Variants in TBC1D32 observed in about 807,000 individuals in gnomAD.
TBC1D32 encodes protein broad-minded.
Under a neutral mutation model 170.3 loss-of-function variants are expected in TBC1D32, and 151 were observed. That is an observed-to-expected ratio of 0.89 (90% CI 0.78 to 1.01). The LOEUF is 1.01. Ranked by LOEUF, TBC1D32 falls within the 50% of genes least tolerant of loss-of-function variation. TBC1D32 has a pLI of 0.00. For synonymous variants in TBC1D32, 498 were observed against 488.0 expected, an observed-to-expected ratio of 1.02 and a Z score of -0.27; for missense variants, 1,464 against 1,457.1, an observed-to-expected ratio of 1.00 and a Z score of -0.08.
At chr6:121,191,547 T>C (rs1271081983) in intron 22 of TBC1D32, among the ~76,000 whole-genome samples, 1 of 147,072 alleles carries the variant, frequency 6.8e-6, no homozygotes, top group Non-Finnish European at 1.5e-5. Flanking sequence ...CTGCAAAGAA[T>C]GAGCGGAGAC....
At chr6:121,198,343 A>T (rs1475046505) in intron 22 of TBC1D32, among the ~76,000 whole-genome samples, 1 of 148,234 alleles carries the variant, frequency 6.7e-6, no homozygotes, top group Non-Finnish European at 1.5e-5. Flanking sequence ...TGACTAATAC[A>T]GGGCATATTG....
intron 1 of TBC1D32, among the ~76,000 whole-genome samples, chr6:121,325,928 G>GA (rs1174500761): frequency 2.0e-5 from 3 of 150,274 alleles, no homozygotes; most frequent in Admixed American, 6.7e-5. Context: ...AAATTTACAA[G>GA]AAAAAAACAA....
chr6:121,207,035 T>G (rs185223045), intron 21 of TBC1D32, among the ~76,000 whole-genome samples: 1 of 152,290 alleles, frequency 6.6e-6, no homozygotes, highest in Admixed American at 6.5e-5. Flanking sequence ...GTGATGAAAC[T>G]TGTTTACTAT....
intron 24 of TBC1D32, among the ~76,000 whole-genome samples, chr6:121,159,452 C>T (rs1785328694): frequency 6.6e-6 from 1 of 152,098 alleles, no homozygotes; most frequent in Non-Finnish European, 1.5e-5. Flanking sequence ...AGATCAGCTA[C>T]AGCTTAGCAA....
At chr6:121,119,169 C>T (rs1273715) in intron 26 of TBC1D32, among the ~76,000 whole-genome samples, 25,654 of 152,126 alleles carry the variant, frequency 0.17, 2,794 homozygotes, top group African/African-American at 0.28. Flanking sequence ...TTACCAAATT[C>T]AAATAGCATA....
At chr6:121,276,128 A>T (rs1310574725) in intron 15 of TBC1D32, among the ~76,000 whole-genome samples, 1 of 151,768 alleles carries the variant, frequency 6.6e-6, no homozygotes, top group Non-Finnish European at 1.5e-5. Flanking sequence ...TCAAAAAAAA[A>T]AAAAAAACAA....
At chr6:121,162,764 G>C (rs563360711) in intron 22 of TBC1D32, among the ~76,000 whole-genome samples, 5 of 147,226 alleles carry the variant, frequency 3.4e-5, no homozygotes, top group African/African-American at 5.0e-5. Context: ...AGCTCCCAGC[G>C]TGAGCGACGC....
At chr6:121,203,085 A>G (rs6926502) in intron 22 of TBC1D32, among the ~76,000 whole-genome samples, 97,255 of 150,994 alleles carry the variant, frequency 0.64, 37,134 homozygotes, top group Non-Finnish European at 0.84. Context: ...CAAACAAAAA[A>G]TACTATGGGA....
intron 15 of TBC1D32, among the ~76,000 whole-genome samples, chr6:121,258,987 A>AG (rs1554290992): frequency 6.6e-6 from 1 of 151,852 alleles, no homozygotes; most frequent in Admixed American, 6.6e-5. Context: ...ATTAAAAAAA[A>AG]AAAGAAAGAA....
At chr6:121,305,695 A>T (rs1472034615) in intron 5 of TBC1D32, among the ~76,000 whole-genome samples, 1 of 152,032 alleles carries the variant, frequency 6.6e-6, no homozygotes, top group South Asian at 2.1e-4. Context: ...AGTTGCAGCA[A>T]CTGATAGGTA....
At chr6:121,187,548 T>C (rs1259702446) in intron 22 of TBC1D32, among the ~76,000 whole-genome samples, 2 of 152,082 alleles carry the variant, frequency 1.3e-5, no homozygotes, top group Non-Finnish European at 2.9e-5. Flanking sequence ...CCTGAAATTA[T>C]ATTGTGGAAG....
chr6:121,136,635 A>G (rs919187380), intron 24 of TBC1D32, among the ~76,000 whole-genome samples: 7 of 152,174 alleles, frequency 4.6e-5, no homozygotes, highest in Non-Finnish European at 7.4e-5. Flanking sequence ...TAATGGTAGT[A>G]TGCAAGTGGG....
chr6:121,108,669 AC>A (rs769639850), intron 29 of TBC1D32, among the ~76,000 whole-genome samples: 28 of 152,214 alleles, frequency 1.8e-4, no homozygotes, highest in East Asian at 1.5e-3. Context: ...TTAAAAAAAA[AC>A]ATAACAGTCT....
intron 31 of TBC1D32, among the ~76,000 whole-genome samples, chr6:121,085,644 A>G (rs1271534883): frequency 3.9e-5 from 6 of 152,112 alleles, no homozygotes; most frequent in South Asian, 2.1e-4. Flanking sequence ...GCTTCTGCCA[A>G]ATAAATTCTG....
At chr6:121,125,491 G>T (rs370385335) in intron 26 of TBC1D32, among the ~76,000 whole-genome samples, 4 of 152,040 alleles carry the variant, frequency 2.6e-5, no homozygotes, top group Non-Finnish European at 4.4e-5. Flanking sequence ...AGGCTATCTC[G>T]TTGGCTCAGA....
chr6:121,142,153 C>A (rs1485571760), intron 24 of TBC1D32, among the ~76,000 whole-genome samples: 1 of 152,224 alleles, frequency 6.6e-6, no homozygotes, highest in Non-Finnish European at 1.5e-5. Flanking sequence ...ACCCCTAGTG[C>A]CGGCAGTCCC....
chr6:121,112,937 A>G (rs1779332872), intron 28 of TBC1D32, 125 bp downstream of exon 28: 1 of 721,394 alleles, frequency 1.4e-6, no homozygotes, highest in East Asian at 2.8e-5. Flanking sequence ...AGAATATATC[A>G]TAACAAATCA....
rs564600846 is a variant in TBC1D32, at chr6:121,289,685, T to C, written c.1372+2368A>G. Among the ~76,000 whole-genome samples, 1,362 of 152,184 alleles carry C rather than the reference T, an allele frequency of 8.9e-3. 26 individuals are homozygous for C. The highest frequency in any genetic ancestry group is 0.031 in the African/African-American group (1,280 of 41,538). On this transcript the variant is annotated intron_variant, in intron 12 of 31. Coordinates refer to ENST00000398212, the MANE Select transcript of TBC1D32 (RefSeq NM_152730.6). ...TATGGAACCAAAAAAGAGCCCGCAT[T>C]GCCAAGTCAATCCTAAGCCAAAAGA...
At chr6:121,303,273 C>T (rs568081250) in intron 9 of TBC1D32, among the ~76,000 whole-genome samples, 1 of 152,256 alleles carries the variant, frequency 6.6e-6, no homozygotes, top group South Asian at 2.1e-4. Context: ...TGTTCTACCA[C>T]ATTTGCTTAA....
Sources: allele counts gnomAD v4.1 joint callset (sites outside exome capture counted in the v4.1 genomes callset), GRCh38; gene constraint gnomAD v4.1.1; transcripts MANE v1.5; gene names NCBI Gene and HGNC (gene_info 2026-07-23, HGNC 2026-07-21).